Variants in ASAP1 observed in about 807,000 individuals in gnomAD.
ASAP1 encodes arf-GAP with SH3 domain, ANK repeat and PH domain-containing protein 1.
A neutral mutation model predicts 145.2 loss-of-function variants in ASAP1; 43 were observed. The observed-to-expected ratio is 0.30, with a 90% CI of 0.23 to 0.38. The LOEUF (loss-of-function observed/expected upper bound fraction) is 0.38. Ranked by LOEUF, ASAP1 falls within the 10% of genes least tolerant of loss-of-function variation. The probability of loss-of-function intolerance (pLI) is 1.00; values close to 1 mark genes in which losing one functional copy is unlikely to be tolerated. For missense variants in ASAP1, 1,018 were observed against 1,355.3 expected (o/e 0.75, Z 3.91); for synonymous variants, 546 against 515.5 (o/e 1.06, Z -0.80).
chr8:130,322,564 T>C (rs1410857722), intron 3 of ASAP1, among the ~76,000 whole-genome samples: 1 of 152,206 alleles, frequency 6.6e-6, no homozygotes, highest in Non-Finnish European at 1.5e-5. Flanking sequence ...AGGAATCAGA[T>C]AGGGGAAGTA....
At chr8:130,225,053 A>G (rs896688850) in intron 4 of ASAP1, among the ~76,000 whole-genome samples, 4 of 152,218 alleles carry the variant, frequency 2.6e-5, no homozygotes, top group Non-Finnish European at 5.9e-5. Context: ...TGCCTATAGT[A>G]AGCCTATCTT....
intron 12 of ASAP1, among the ~76,000 whole-genome samples, chr8:130,155,629 G>T (rs1440122349): frequency 6.6e-6 from 1 of 152,228 alleles, no homozygotes; most frequent in Non-Finnish European, 1.5e-5. Flanking sequence ...TTACAGGCAT[G>T]AGCCACTGCG....
At position 130,107,180 on chromosome 8, in the gene ASAP1, C is replaced by CTTTTTTTT. The variant is rs375105720; in HGVS notation, c.2401+4913_2401+4914insAAAAAAAA. ...GAAGAACTATAGTCTCTCTCTTCTTCTTCTTTTTTTTTTTTTTTTTGAGAC... is the reference window on the plus strand; with the variant it reads ...GAAGAACTATAGTCTCTCTCTTCTTCTTTTTTTTTTCTTTTTTTTTTTTTTTTTGAGAC... On this transcript the variant is annotated intron_variant, in intron 24 of 29. Coordinates refer to ENST00000518721, the MANE Select transcript of ASAP1 (RefSeq NM_018482.4). Among the ~76,000 whole-genome samples the CTTTTTTTT allele has an allele frequency of 1.2e-4, 14 of 113,858 alleles. 1 individual carries two copies. Among genetic ancestry groups the CTTTTTTTT allele is most frequent in the East Asian group, 8.3e-4 (3 of 3,630 alleles). The allele number at this position is 113,858 out of a possible 152,430, so 74.7% of individuals were successfully genotyped here. A position where few individuals can be genotyped will look rare whatever the true frequency, so the allele number is the denominator to read the frequency against.
chr8:130,243,385 A>G (rs964964187), intron 3 of ASAP1, among the ~76,000 whole-genome samples: 13 of 152,178 alleles, frequency 8.5e-5, no homozygotes, highest in African/African-American at 3.1e-4. Context: ...TTATTTCTTC[A>G]CATAGAAGAT....
intron 2 of ASAP1, among the ~76,000 whole-genome samples, chr8:130,375,386 A>C (rs1007372215): frequency 1.3e-5 from 2 of 149,092 alleles, no homozygotes; most frequent in African/African-American, 4.9e-5. Context: ...CAGCAGAGGA[A>C]AAAAAAAAAG....
chr8:130,188,701 C>A (rs1449208398), intron 5 of ASAP1, among the ~76,000 whole-genome samples: 2 of 129,564 alleles, frequency 1.5e-5, no homozygotes, highest in Non-Finnish European at 3.2e-5. Context: ...CACTGCATTC[C>A]AGCCTGAGTG....
At chr8:130,148,479 T>C (rs1340949459) in intron 13 of ASAP1, among the ~76,000 whole-genome samples, 1 of 152,206 alleles carries the variant, frequency 6.6e-6, no homozygotes, top group Admixed American at 6.5e-5. Context: ...GAAATGAAGA[T>C]AGTGATGCCT....
At chr8:130,287,936 C>G (rs529420400) in intron 3 of ASAP1, among the ~76,000 whole-genome samples, 1 of 152,220 alleles carries the variant, frequency 6.6e-6, no homozygotes, top group Admixed American at 6.5e-5. Flanking sequence ...AGGTCCCTAC[C>G]CCAGCCTATC....
At chr8:130,058,376 C>G (rs1479251585) in intron 28 of ASAP1, among the ~76,000 whole-genome samples, 2 of 152,182 alleles carry the variant, frequency 1.3e-5, no homozygotes, top group African/African-American at 4.8e-5. Context: ...TTGAGCTTCA[C>G]CAAAAACCAT....
chr8:130,158,322 C>A (rs1306076735), intron 12 of ASAP1, among the ~76,000 whole-genome samples: 3 of 143,002 alleles, frequency 2.1e-5, no homozygotes, highest in African/African-American at 7.8e-5. Flanking sequence ...CCAGCCTGGG[C>A]AACAAAGAGG....
In ASAP1 at chr8:130,294,484, T is replaced by C. The variant is rs149018231; in HGVS notation, c.187-57490A>G. Among the ~76,000 whole-genome samples the C allele has an allele frequency of 9.8e-5, 15 of 152,330 alleles. No individual in the cohort carries two copies. In the East Asian group the frequency reaches 1.9e-3, roughly 20 times the overall value. ...GGGTTTGAATCCCAGATCGACTACA[T>C]GTCCAGCTGCACAGTGACCTTTAAC... is the stretch of plus-strand genomic sequence containing the variant. On this transcript the variant is annotated intron_variant, in intron 3 of 29. Transcript: ENST00000518721.
intron 15 of ASAP1, among the ~76,000 whole-genome samples, chr8:130,129,312 T>C (rs1053851108): frequency 2.6e-5 from 4 of 152,184 alleles, no homozygotes; most frequent in Admixed American, 2.0e-4. Flanking sequence ...AATTTAAATA[T>C]ATGTATGTAA....
intron 5 of ASAP1, among the ~76,000 whole-genome samples, chr8:130,198,511 T>C (rs1402987246): frequency 5.3e-5 from 8 of 152,194 alleles, no homozygotes; most frequent in Non-Finnish European, 1.5e-5. Flanking sequence ...GCAGTCTCCA[T>C]AAACTGTAAG....
At chr8:130,417,535 T>A (rs1248659980) in intron 1 of ASAP1, among the ~76,000 whole-genome samples, 2 of 150,582 alleles carry the variant, frequency 1.3e-5, no homozygotes, top group Non-Finnish European at 3.0e-5. Context: ...TGAAAAGGGG[T>A]CAGGCTGGAG....
Position 130,159,835 on chromosome 8 carries a change from C to G in ASAP1, c.1010+29G>C, listed in dbSNP as rs79056048. 4.7e-5 allele frequency: 73 copies of G among 1,557,648 alleles called. No homozygotes were observed. In the East Asian group the frequency reaches 1.6e-3, roughly 34 times the overall value. ...AAACATTTTCTAGGTTAATCACACA[C>G]TGAGACACTGGGCTGGGCTCATACA... On this transcript the variant is annotated intron_variant, in intron 12 of 29. Coordinates refer to ENST00000518721, the MANE Select transcript of ASAP1 (RefSeq NM_018482.4).
intron 3 of ASAP1, among the ~76,000 whole-genome samples, chr8:130,351,722 C>A (rs1826006001): frequency 6.6e-6 from 1 of 152,160 alleles, no homozygotes; most frequent in Non-Finnish European, 1.5e-5. Context: ...TCACTTATCA[C>A]CAAGGGGATG....
intron 5 of ASAP1, among the ~76,000 whole-genome samples, chr8:130,199,818 C>T (rs1815751412): frequency 6.6e-6 from 1 of 152,062 alleles, no homozygotes; most frequent in Non-Finnish European, 1.5e-5. Context: ...AGCCCTGGTC[C>T]CCAACTCAAC....
chr8:130,104,003 AG>A (rs1248450410), intron 24 of ASAP1, among the ~76,000 whole-genome samples: 1 of 152,138 alleles, frequency 6.6e-6, no homozygotes, highest in Non-Finnish European at 1.5e-5. Flanking sequence ...CTGAGCTTCC[AG>A]GGCTTAATGG....
chr8:130,280,395 T>G (rs1385074318), intron 3 of ASAP1, among the ~76,000 whole-genome samples: 2 of 152,254 alleles, frequency 1.3e-5, no homozygotes, highest in Admixed American at 1.3e-4. Context: ...TAAAGTCTAC[T>G]TGTGATAATG....
Sources: gnomAD v4.1 joint callset for allele counts (sites outside exome capture counted in the v4.1 genomes callset) on GRCh38, gnomAD v4.1.1 for gene constraint, MANE v1.5 for transcripts, NCBI Gene and HGNC (gene_info 2026-07-23, HGNC 2026-07-21) for gene names.